ZNF717: variants seen among roughly 807,000 people sequenced by gnomAD.
ZNF717 encodes zinc finger protein 717.
Under a neutral mutation model 13.8 loss-of-function variants are expected in ZNF717, and 9 were observed. The observed-to-expected ratio is 0.65, with a 90% CI of 0.39 to 1.14. The LOEUF is 1.14. ZNF717 is among the 50% of genes most tolerant of loss of function. ZNF717 has a pLI of 0.01. For missense variants in ZNF717, 1,040 were observed against 1,080.7 expected (o/e 0.96, Z 0.53); for synonymous variants, 327 against 364.1 (o/e 0.90, Z 1.16).
downstream of ZNF717, among the ~76,000 whole-genome samples, chr3:75,728,843 G>C (rs1411556964): frequency 1.3e-5 from 2 of 152,092 alleles, no homozygotes; most frequent in Middle Eastern, 3.2e-3. Context: ...TCATGCCTTT[G>C]TCTCAGTGAA....
chr3:75,757,837 GGGCATGGT>G (rs1289340112), intron 2 of ZNF717, among the ~76,000 whole-genome samples: 8 of 151,912 alleles, frequency 5.3e-5, no homozygotes, highest in Non-Finnish European at 1.0e-4. Flanking sequence ...AGTTGGGGCC[GGGCATGGT>G]GGCTCACGCC....
chr3:75,715,425 G>A (rs1575718484), intron 5 of ZNF717, among the ~76,000 whole-genome samples: 1 of 152,048 alleles, frequency 6.6e-6, no homozygotes, highest in African/African-American at 2.4e-5. Flanking sequence ...TTTTGTGCTA[G>A]ACATACCTTA....
downstream of ZNF717, among the ~76,000 whole-genome samples, chr3:75,735,323 G>A (rs1575746329): frequency 6.6e-6 from 1 of 152,120 alleles, no homozygotes; most frequent in East Asian, 1.9e-4. Context: ...CAAACTCCAG[G>A]GCAACTAGTA....
At chr3:75,716,334 A>G (rs1451712684) in intron 5 of ZNF717, 2 of 152,238 alleles carry the variant, frequency 1.3e-5, no homozygotes, top group East Asian at 3.9e-4. Flanking sequence ...TCACTAGAAT[A>G]TATGCCTCAC....
chr3:75,698,332 T>A (rs1937627436), intron 6 of ZNF717, among the ~76,000 whole-genome samples: 1 of 152,292 alleles, frequency 6.6e-6, no homozygotes, highest in Non-Finnish European at 1.5e-5. Flanking sequence ...AAAGCAAGTG[T>A]TGATAGCCAA....
At chr3:75,771,832 C>G (rs1224612110) in intron 2 of ZNF717, among the ~76,000 whole-genome samples, 3 of 152,252 alleles carry the variant, frequency 2.0e-5, no homozygotes, top group Admixed American at 6.5e-5. Flanking sequence ...CCCAGCAAGC[C>G]CCCCTGCCCC....
At chr3:75,774,484 T>C (rs1217511243) in intron 2 of ZNF717, among the ~76,000 whole-genome samples, 4 of 152,126 alleles carry the variant, frequency 2.6e-5, no homozygotes, top group Admixed American at 6.6e-5. Context: ...ACAGGACTAT[T>C]TGACATGTTA....
chr3:75,739,834 A>G (rs1940137324), intron 4 of ZNF717, among the ~76,000 whole-genome samples: 1 of 152,234 alleles, frequency 6.6e-6, no homozygotes, highest in Non-Finnish European at 1.5e-5. Flanking sequence ...CAGCTTGTGG[A>G]CAGGATTTTG....
At chr3:75,731,572 GA>G (rs57965876), downstream of ZNF717, among the ~76,000 whole-genome samples, 117 of 140,674 alleles carry the variant, frequency 8.3e-4, no homozygotes, top group Non-Finnish European at 1.1e-3. Flanking sequence ...AAAAAAGGAA[GA>G]AAAAAAAAAA....
rs1418109417 is a variant in ZNF717 at position 75,738,330 on chromosome 3, T to C, written c.1293A>G (p.Ala431=). 21 of 1,537,800 alleles carry C rather than the reference T, an allele frequency of 1.4e-5. No homozygotes were observed. The highest frequency in any genetic ancestry group is 1.8e-5 in the Non-Finnish European group (21 of 1,137,090). ...KPYACDHCEE[A]FSHKSRLTVH... is the part of the protein sequence containing the mutation. ...CAGTAAGCCTTGACTTATGGCTAAA[T>C]GCTTCTTCACAATGGTCACATGCAT... The change falls in exon 5 of 5, where the codon GCA becomes GCG. Residue 431 remains alanine (A), a synonymous_variant. Coordinates refer to ENST00000652011, the MANE Select transcript of ZNF717 (RefSeq NM_001290208.3).
chr3:75,720,199 T>A (rs1336480134), intron 4 of ZNF717, among the ~76,000 whole-genome samples: 1 of 151,932 alleles, frequency 6.6e-6, no homozygotes, highest in African/African-American at 2.4e-5. Context: ...ACACATACAC[T>A]AATATATTCA....
intron 2 of ZNF717, among the ~76,000 whole-genome samples, chr3:75,782,222 C>T (rs910142162): frequency 1.8e-4 from 27 of 152,186 alleles, no homozygotes; most frequent in Non-Finnish European, 3.2e-4. Flanking sequence ...GTTAGGACTA[C>T]ACAGAGTGGG....
rs1429842216 is a variant in ZNF717 at position 75,737,762 on chromosome 3, A to G, written c.1861T>C (p.Cys621Arg). The G allele has an allele frequency of 1.3e-6, 2 of 1,550,706 alleles. No individual in the cohort carries two copies. The highest frequency in any genetic ancestry group is 2.7e-5 in the African/African-American group (2 of 72,982). The change falls in exon 5 of 5, where the codon TGT (cysteine) becomes CGT (arginine). Residue 621 changes from cysteine to arginine, a missense_variant. This residue lies in a region of ZNF717 where 873 missense variants were observed against 832.8 expected (regional missense o/e 1.05). Coordinates refer to ENST00000652011, the MANE Select transcript of ZNF717 (RefSeq NM_001290208.3). ...RTHTGERPYE[C>R]NECGKTFRQK... is the part of the protein sequence containing the mutation. Reference sequence around the variant, plus strand: ...CGAAAGGTTTTTCCACATTCATTACATTCATAGGGTCTTTCCCCTGTGTGA... The same window carrying G: ...CGAAAGGTTTTTCCACATTCATTACGTTCATAGGGTCTTTCCCCTGTGTGA...
intron 2 of ZNF717, among the ~76,000 whole-genome samples, chr3:75,779,501 T>C (rs1261808635): frequency 4.9e-5 from 7 of 142,624 alleles, no homozygotes; most frequent in African/African-American, 1.9e-4. Flanking sequence ...ACAATGGGAG[T>C]GACGTGCAAA....
chr3:75,721,489 C>T (rs1422867292), intron 4 of ZNF717, among the ~76,000 whole-genome samples: 4 of 152,168 alleles, frequency 2.6e-5, no homozygotes, highest in Admixed American at 6.5e-5. Context: ...CAATGTTGGC[C>T]AGGCTGTTCT....
intron 2 of ZNF717, among the ~76,000 whole-genome samples, chr3:75,765,005 ATATATATATATATATATATATATATG>A (rs1188995075): frequency 3.9e-5 from 1 of 25,782 alleles, no homozygotes; most frequent in Admixed American, 3.8e-4. Context: ...ATATATATAT[ATATATATATATATATATATATATATG>A]TATATGTGTG....
chr3:75,727,364 G>T (rs1422537569), downstream of ZNF717, among the ~76,000 whole-genome samples: 4 of 152,234 alleles, frequency 2.6e-5, no homozygotes, highest in Non-Finnish European at 4.4e-5. Context: ...CATAAGATCT[G>T]ACTGCCTGCA....
intron 4 of ZNF717, among the ~76,000 whole-genome samples, chr3:75,724,306 GTCTT>G (rs1355578005): frequency 2.0e-5 from 3 of 152,086 alleles, no homozygotes; most frequent in Non-Finnish European, 4.4e-5. Flanking sequence ...TTTGTCTTGT[GTCTT>G]TATTTCTATG....
At chr3:75,748,239 C>T (rs1382796169) in intron 2 of ZNF717, among the ~76,000 whole-genome samples, 2 of 152,256 alleles carry the variant, frequency 1.3e-5, no homozygotes, top group East Asian at 3.9e-4. Flanking sequence ...GACGGAATCA[C>T]AGCTGAATTC....
Sources: gnomAD v4.1 joint callset for allele counts (sites outside exome capture counted in the v4.1 genomes callset) on GRCh38, gnomAD v4.1.1 for gene constraint, gnomAD v4.1.1 regional missense constraint, MANE v1.5 for transcripts, NCBI Gene and HGNC (gene_info 2026-07-23, HGNC 2026-07-21) for gene names.